The following FER variants were observed in gnomAD, a reference collection of about 807,000 sequenced individuals.
The protein encoded by FER is FER tyrosine kinase.
A neutral mutation model predicts 111.0 loss-of-function variants in FER; 63 were observed. That is an observed-to-expected ratio of 0.57 (90% confidence interval 0.46 to 0.70). The LOEUF (loss-of-function observed/expected upper bound fraction) is 0.70, where lower values mean the gene tolerates loss of function less well. Among genes scored for constraint, FER ranks in the 30% least tolerant of loss-of-function variants. The pLI is 0.00. For missense variants in FER, 914 were observed against 954.0 expected (o/e 0.96, Z 0.55); for synonymous variants, 327 against 313.9 (o/e 1.04, Z -0.44).
intron 13 of FER, among the ~76,000 whole-genome samples, chr5:109,028,918 T>G (rs991213530): frequency 7.2e-5 from 11 of 151,986 alleles, no homozygotes; most frequent in Non-Finnish European, 1.3e-4. Flanking sequence ...TGACCAGCCA[T>G]GTGAGGACCC....
intron 10 of FER, among the ~76,000 whole-genome samples, chr5:108,913,253 C>T (rs1303698630): frequency 2.0e-5 from 3 of 152,116 alleles, no homozygotes; most frequent in African/African-American, 7.2e-5. Context: ...TTTCTTTGAA[C>T]ATGCTTGATA....
intron 3 of FER, among the ~76,000 whole-genome samples, chr5:108,813,848 T>G (rs923845485): frequency 1.3e-5 from 2 of 152,186 alleles, no homozygotes; most frequent in African/African-American, 4.8e-5. Context: ...ATTATGCCTG[T>G]GTACCATTCC....
intron 13 of FER, among the ~76,000 whole-genome samples, chr5:108,988,185 C>T (rs555964216): frequency 5.3e-5 from 8 of 151,968 alleles, no homozygotes; most frequent in Non-Finnish European, 8.8e-5. Flanking sequence ...CTGTTGGATT[C>T]GGTTAGCTTG....
chr5:108,912,770 GA>G (rs1751737463), intron 10 of FER, among the ~76,000 whole-genome samples: 1 of 152,118 alleles, frequency 6.6e-6, no homozygotes, highest in African/African-American at 2.4e-5. Context: ...GAAGGCCTGG[GA>G]AAAAAATTTG....
At chr5:109,063,689 G>T (rs1774730185) in intron 16 of FER, among the ~76,000 whole-genome samples, 1 of 152,160 alleles carries the variant, frequency 6.6e-6, no homozygotes, top group Non-Finnish European at 1.5e-5. Context: ...TAGCAACTCA[G>T]TGGCTGAATT....
At chr5:109,058,332 C>T (rs1773902803) in intron 16 of FER, among the ~76,000 whole-genome samples, 1 of 152,068 alleles carries the variant, frequency 6.6e-6, no homozygotes, top group African/African-American at 2.4e-5. Flanking sequence ...CACAACTTCT[C>T]TTATTGTACT....
intron 1 of FER, among the ~76,000 whole-genome samples, chr5:108,751,911 G>A (rs1186018897): frequency 6.6e-6 from 1 of 151,922 alleles, no homozygotes; most frequent in Non-Finnish European, 1.5e-5. Flanking sequence ...ACCTTTTTAA[G>A]TATTTGAATC....
intron 14 of FER, among the ~76,000 whole-genome samples, chr5:109,042,332 C>T (rs1324349548): frequency 1.3e-5 from 2 of 152,160 alleles, no homozygotes; most frequent in Non-Finnish European, 2.9e-5. Flanking sequence ...GATTCAGAAT[C>T]TCAATTCTGT....
intron 3 of FER, chr5:108,820,060 C>T: frequency 1.0e-6 from 1 of 984,692 alleles, no homozygotes; most frequent in Non-Finnish European, 1.2e-6. Context: ...GAGTGGAGAG[C>T]AGGAATATAA....
chr5:108,920,823 A>G (rs186688649), intron 10 of FER, among the ~76,000 whole-genome samples: 3 of 152,236 alleles, frequency 2.0e-5, no homozygotes, highest in Admixed American at 2.0e-4. Flanking sequence ...ATGACCCTCC[A>G]TTGGTATTCC....
At chr5:109,167,354 GTA>G (rs1756660321) in intron 17 of FER, among the ~76,000 whole-genome samples, 1 of 152,092 alleles carries the variant, frequency 6.6e-6, no homozygotes, top group Non-Finnish European at 1.5e-5. Context: ...GGGTTTTTGT[GTA>G]TATGTCAGTC....
chr5:108,814,749 TCCTAGC>T (rs1192445181), intron 3 of FER, among the ~76,000 whole-genome samples: 2 of 152,178 alleles, frequency 1.3e-5, no homozygotes, highest in African/African-American at 4.8e-5. Context: ...GCCTCATTTT[TCCTAGC>T]CCTCACTCAA....
At chr5:109,008,951 CAA>C (rs1285090825) in intron 13 of FER, among the ~76,000 whole-genome samples, 3 of 151,548 alleles carry the variant, frequency 2.0e-5, no homozygotes, top group African/African-American at 4.8e-5. Flanking sequence ...GCCTGGGCAA[CAA>C]GAGCGAAACT....
chr5:109,036,894 G>A (rs1013594361), intron 13 of FER, among the ~76,000 whole-genome samples: 1 of 151,934 alleles, frequency 6.6e-6, no homozygotes. Flanking sequence ...GGTGTTTGTT[G>A]CTTTATTATA....
intron 15 of FER, 150 bp from the exon 16 acceptor site, chr5:109,046,954 C>T (rs780437882): frequency 4.2e-5 from 22 of 519,040 alleles, no homozygotes; most frequent in Non-Finnish European, 7.5e-5. Context: ...CGTTTGTATA[C>T]ATCCAATTTA....
intron 17 of FER, among the ~76,000 whole-genome samples, chr5:109,146,253 AATATATATATATATATAT>A (rs6149172): frequency 6.4e-4 from 27 of 42,130 alleles, no homozygotes; most frequent in East Asian, 4.0e-3. Context: ...TAATCTATCT[AATATATATATATATATAT>A]ATATATATAT....
chr5:109,088,509 T>G (rs1464454854), intron 16 of FER, among the ~76,000 whole-genome samples: 5 of 152,020 alleles, frequency 3.3e-5, no homozygotes, highest in Non-Finnish European at 7.4e-5. Context: ...TGAACAGTAT[T>G]CCAGAAATGT....
chr5:108,989,210 G>A (rs964129955), intron 13 of FER, among the ~76,000 whole-genome samples: 1 of 151,792 alleles, frequency 6.6e-6, no homozygotes, highest in East Asian at 1.9e-4. Flanking sequence ...AGTGTTACTC[G>A]TCTTGTTTTT....
At chr5:108,776,249 C>T (rs1261305017) in intron 2 of FER, among the ~76,000 whole-genome samples, 3 of 151,912 alleles carry the variant, frequency 2.0e-5, no homozygotes, top group African/African-American at 2.4e-5. Context: ...TTTTTATTCA[C>T]GTATTTCTGA....
Sources: gnomAD v4.1 joint callset for allele counts (sites outside exome capture counted in the v4.1 genomes callset) on GRCh38, gnomAD v4.1.1 for gene constraint, MANE v1.5 for transcripts, NCBI Gene and HGNC (gene_info 2026-07-23, HGNC 2026-07-21) for gene names.